ROS1: variants seen among roughly 807,000 people sequenced by gnomAD.
ROS1 encodes the protein proto-oncogene tyrosine-protein kinase ROS.
A neutral mutation model predicts 273.5 loss-of-function variants in ROS1; 263 were observed. That is an observed-to-expected ratio of 0.96 (90% confidence interval 0.87 to 1.06). ROS1 has a LOEUF of 1.06. Ranked by LOEUF, ROS1 falls within the 50% of genes least tolerant of loss-of-function variation. ROS1 has a pLI of 0.00. For synonymous variants in ROS1, 1,008 were observed against 954.1 expected (o/e 1.06, Z -1.04); for missense variants, 2,833 against 2,751.1 (o/e 1.03, Z -0.67).
At chr6:117,324,283 G>T (rs2128574663) in intron 35 of ROS1, 49 bp downstream of exon 35, 1 of 852,428 alleles carries the variant, frequency 1.2e-6, no homozygotes, top group Non-Finnish European at 2.0e-6. Context: ...AATCAGGTAT[G>T]ATTAAGTAAA....
At chr6:117,375,680 A>G (rs1781275080) in intron 18 of ROS1, among the ~76,000 whole-genome samples, 1 of 152,216 alleles carries the variant, frequency 6.6e-6, no homozygotes, top group Non-Finnish European at 1.5e-5. Context: ...TAAGCAAAAG[A>G]AAGCTGATGT....
intron 2 of ROS1, among the ~76,000 whole-genome samples, chr6:117,416,574 G>A (rs1775351487): frequency 1.3e-5 from 2 of 152,164 alleles, no homozygotes; most frequent in Admixed American, 1.3e-4. Context: ...GGCATGTGCA[G>A]GCCTAGAAGC....
intron 25 of ROS1, 90 bp from the exon 26 acceptor site, chr6:117,357,005 G>T: frequency 1.9e-6 from 2 of 1,072,240 alleles, no homozygotes; most frequent in South Asian, 1.6e-5. Flanking sequence ...TATTGCTAAT[G>T]ACTGTGAGGG....
At chr6:117,293,604 A>T (rs1457347161) in intron 43 of ROS1, among the ~76,000 whole-genome samples, 1 of 152,154 alleles carries the variant, frequency 6.6e-6, no homozygotes, top group Non-Finnish European at 1.5e-5. Flanking sequence ...TTTACAATAA[A>T]GATCTTTAAA....
intron 23 of ROS1, 141 bp downstream of exon 23, chr6:117,360,201 G>C: frequency 1.3e-6 from 1 of 781,762 alleles, no homozygotes; most frequent in Non-Finnish European, 2.0e-6. Flanking sequence ...GTGGTGTGTT[G>C]GGGTCAAAAA....
rs3086754 is a variant in ROS1 at position 117,287,917 on chromosome 6, C to CA, written c.*574dup. 1.3e-3 allele frequency among the ~76,000 whole-genome samples: 170 copies of CA among 129,566 alleles called. 1 individual carries two copies. The highest frequency in any genetic ancestry group is 7.3e-3 in the East Asian group (30 of 4,116). The allele number at this position is 129,566 out of a possible 152,430, so 85.0% of individuals were successfully genotyped here. A position where few individuals can be genotyped will look rare whatever the true frequency, so the allele number is the denominator to read the frequency against. ...TGGGCAACAGAGCAAGACTTCGTCT[C>CA]AAAAAAAAAAAAAAAAAATTAAAAA... On this transcript the variant is annotated 3_prime_UTR_variant, in exon 44 of 44. Transcript: ENST00000368507.
chr6:117,377,027 G>A (rs1198839621), intron 18 of ROS1, among the ~76,000 whole-genome samples: 1 of 152,190 alleles, frequency 6.6e-6, no homozygotes, highest in Non-Finnish European at 1.5e-5. Context: ...TCAAGACAAT[G>A]TAGTACTGGC....
At chr6:117,365,460 A>G (rs1196686849) in intron 20 of ROS1, 121 bp downstream of exon 20, 3 of 887,986 alleles carry the variant, frequency 3.4e-6, no homozygotes, top group South Asian at 1.6e-5. Flanking sequence ...ACCAAATGCT[A>G]TGGGAATGAC....
intron 18 of ROS1, among the ~76,000 whole-genome samples, chr6:117,375,253 G>C (rs1400327394): frequency 6.6e-6 from 1 of 152,172 alleles, no homozygotes; most frequent in Non-Finnish European, 1.5e-5. Flanking sequence ...GGATGCAAAG[G>C]CATAAGAATG....
At chr6:117,355,104 A>T (rs1582716048) in intron 26 of ROS1, among the ~76,000 whole-genome samples, 1 of 152,212 alleles carries the variant, frequency 6.6e-6, no homozygotes, top group Non-Finnish European at 1.5e-5. Flanking sequence ...GTTCTCCTAA[A>T]CTGACTTTGT....
chr6:117,290,473 G>C (rs1773757707), intron 43 of ROS1, among the ~76,000 whole-genome samples: 1 of 152,214 alleles, frequency 6.6e-6, no homozygotes, highest in Admixed American at 6.5e-5. Flanking sequence ...CTATGGGTCA[G>C]ATCTTAAGGC....
intron 18 of ROS1, among the ~76,000 whole-genome samples, chr6:117,373,946 A>G (rs1781100193): frequency 6.6e-6 from 1 of 152,254 alleles, no homozygotes; most frequent in Admixed American, 6.5e-5. Flanking sequence ...AAGAAGATAA[A>G]AGACTTCTAC....
chr6:117,308,728 AG>A (rs1212971073), intron 42 of ROS1, 65 bp downstream of exon 42: 14 of 1,469,018 alleles, frequency 9.5e-6, no homozygotes, highest in Non-Finnish European at 1.3e-5. Context: ...CTATATCAAG[AG>A]GCCTAAGATT....
chr6:117,314,832 G>A (rs1775795551), intron 39 of ROS1, among the ~76,000 whole-genome samples: 1 of 152,132 alleles, frequency 6.6e-6, no homozygotes, highest in East Asian at 1.9e-4. Flanking sequence ...CCCAGTGGAA[G>A]AGCAGGGTCC....
intron 4 of ROS1, among the ~76,000 whole-genome samples, 194 bp downstream of exon 4, chr6:117,414,325 C>T (rs2128742368): frequency 6.6e-6 from 1 of 152,164 alleles, no homozygotes; most frequent in East Asian, 1.9e-4. Context: ...CACATAGATA[C>T]ATAAAACAGT....
intron 42 of ROS1, among the ~76,000 whole-genome samples, chr6:117,304,439 G>A (rs940316917): frequency 2.6e-5 from 4 of 152,130 alleles, no homozygotes; most frequent in African/African-American, 9.7e-5. Context: ...TCTCAAGGTT[G>A]GTCATATTTC....
At position 117,288,483 on chromosome 6, in the gene ROS1, AC is replaced by A; in HGVS notation, c.*8del. 6.3e-7 allele frequency: 1 copy of A among 1,596,442 alleles called. No homozygotes were observed. The highest frequency in any genetic ancestry group is 8.5e-7 in the Non-Finnish European group (1 of 1,172,756). ...TTTATCTCAACTCTCTATTTCCCAA[AC>A]AACGCTATTAATCAGACCCATCTCC... is the stretch of plus-strand genomic sequence containing the variant. On this transcript the variant is annotated 3_prime_UTR_variant, in exon 44 of 44. Coordinates refer to ENST00000368507, the MANE Select transcript of ROS1 (RefSeq NM_001378902.1).
chr6:117,310,986 C>T lies in ROS1; in HGVS notation c.6215+34G>A, dbSNP rs751249776. ...CTACAGGTGATTATTGTGCCAATAT[C>T]CGTAATAACCCTGTATCCAGAAGAG... On this transcript the variant is annotated intron_variant, in intron 40 of 43. Transcript: ENST00000368507. The T allele has an allele frequency of 2.2e-6, 3 of 1,344,418 alleles. No homozygotes were observed. In the African/African-American group the frequency reaches 4.4e-5, roughly 20 times the overall value. 83.3% of individuals were successfully genotyped at this position (1,344,418 alleles called of 1,614,324 possible). A position where few individuals can be genotyped will look rare whatever the true frequency, so the allele number is the denominator to read the frequency against.
At position 117,344,256 on chromosome 6, in the gene ROS1, G is replaced by A. The variant is rs376021394; in HGVS notation, c.4310C>T (p.Ala1437Val). The part of the protein sequence containing the change: ...SSVMQPFPDK[A>V]FLSLASDTVE... ...AGTGTCTGAAGCTAGAGACAGAAAC[G>A]CTTTATCTAAAATAAGAAGAAACCA... Residue 1437 changes from alanine (A) to valine (V), a missense_variant, in exon 28 of 44, where the codon GCG becomes GTG. Transcript: ENST00000368507. 3.1e-6 allele frequency: 5 copies of A among 1,611,890 alleles called. No homozygotes were observed. Among genetic ancestry groups the A allele is most frequent in the East Asian group, 2.2e-5 (1 of 44,826 alleles).
Sources: allele counts gnomAD v4.1 joint callset (sites outside exome capture counted in the v4.1 genomes callset), GRCh38; gene constraint gnomAD v4.1.1; transcripts MANE v1.5; gene names NCBI Gene and HGNC (gene_info 2026-07-23, HGNC 2026-07-21).